Variants in LIPI observed in about 807,000 individuals in gnomAD.
LIPI encodes lipase I.
LIPI carries 59 observed loss-of-function variants against 50.6 expected under a neutral mutation model. That is an observed-to-expected ratio of 1.16 (90% CI 0.94 to 1.45). LIPI has a LOEUF of 1.45. LIPI is among the 40% of genes most tolerant of loss of function. The pLI is 0.00. For missense variants in LIPI, 586 were observed against 536.3 expected, an observed-to-expected ratio of 1.09 and a Z score of -0.92; for synonymous variants, 203 against 178.2, an observed-to-expected ratio of 1.14 and a Z score of -1.11.
intron 1 of LIPI, among the ~76,000 whole-genome samples, chr21:14,205,428 A>C (rs2020197573): frequency 6.6e-6 from 1 of 151,964 alleles, no homozygotes. Context: ...AACCATACAC[A>C]TGAACCATAT....
intron 7 of LIPI, among the ~76,000 whole-genome samples, chr21:14,158,405 A>G (rs2018346286): frequency 6.6e-6 from 1 of 151,610 alleles, no homozygotes; most frequent in Admixed American, 6.6e-5. Context: ...AAGATACAAC[A>G]TATCAAAACA....
chr21:14,139,047 G>A (rs1419055724), intron 9 of LIPI, among the ~76,000 whole-genome samples: 1 of 152,008 alleles, frequency 6.6e-6, no homozygotes, highest in African/African-American at 2.4e-5. Context: ...GGATACTCTG[G>A]CTCCAAAGCT....
chr21:14,175,914 C>T (rs1387567787), intron 4 of LIPI, among the ~76,000 whole-genome samples: 1 of 152,086 alleles, frequency 6.6e-6, no homozygotes, highest in African/African-American at 2.4e-5. Context: ...CGCGGTGGCT[C>T]AAGTCTGTAA....
chr21:14,149,566 G>A (rs1334737673), intron 8 of LIPI, among the ~76,000 whole-genome samples: 1 of 152,146 alleles, frequency 6.6e-6, no homozygotes, highest in Non-Finnish European at 1.5e-5. Context: ...TTTGAGACAA[G>A]GTTAGTCCCT....
At chr21:14,116,110 G>A (rs905580454) in intron 9 of LIPI, among the ~76,000 whole-genome samples, 2 of 152,104 alleles carry the variant, frequency 1.3e-5, no homozygotes, top group East Asian at 3.9e-4. Flanking sequence ...GTGTGTATGT[G>A]TGTGAATGTG....
At chr21:14,126,887 T>C (rs2017088532) in intron 9 of LIPI, among the ~76,000 whole-genome samples, 1 of 152,192 alleles carries the variant, frequency 6.6e-6, no homozygotes, top group South Asian at 2.1e-4. Context: ...TCAGGAAGTT[T>C]TTATGATTGA....
chr21:14,179,434 T>G (rs1459481689), intron 4 of LIPI, among the ~76,000 whole-genome samples: 2 of 152,126 alleles, frequency 1.3e-5, no homozygotes, highest in Non-Finnish European at 2.9e-5. Flanking sequence ...AGTGGCAGAT[T>G]AGATCTGATA....
chr21:14,207,566 T>A (rs530567420), intron 1 of LIPI, among the ~76,000 whole-genome samples: 1 of 152,252 alleles, frequency 6.6e-6, no homozygotes, highest in South Asian at 2.1e-4. Flanking sequence ...ATACCAGGAA[T>A]TCCCAAGAAT....
chr21:14,177,680 A>G (rs2019142524), intron 4 of LIPI, among the ~76,000 whole-genome samples: 1 of 152,138 alleles, frequency 6.6e-6, no homozygotes, highest in East Asian at 1.9e-4. Context: ...GGAACACAGA[A>G]AGCTGGAAAT....
chr21:14,202,442 G>A (rs2020088749), intron 1 of LIPI, among the ~76,000 whole-genome samples: 1 of 152,078 alleles, frequency 6.6e-6, no homozygotes, highest in African/African-American at 2.4e-5. Flanking sequence ...ATACTACAAG[G>A]CTACAGTATC....
intron 9 of LIPI, among the ~76,000 whole-genome samples, chr21:14,129,651 A>C (rs935582114): frequency 7.2e-5 from 11 of 152,032 alleles, no homozygotes; most frequent in Non-Finnish European, 1.3e-4. Context: ...GTTTGATGTC[A>C]TGGAAGAATG....
intron 9 of LIPI, among the ~76,000 whole-genome samples, chr21:14,129,813 A>ATTT (rs751973561): frequency 4.3e-4 from 55 of 126,924 alleles, no homozygotes; most frequent in South Asian, 9.8e-4. Flanking sequence ...TTTTTTTAAA[A>ATTT]AAAAAAAAAG....
intron 1 of LIPI, among the ~76,000 whole-genome samples, chr21:14,208,227 A>G (rs935443555): frequency 2.0e-5 from 3 of 152,126 alleles, no homozygotes; most frequent in Non-Finnish European, 2.9e-5. Context: ...GTAACTTCCT[A>G]TACCCTTATT....
At chr21:14,148,111 A>C (rs2017968236) in intron 8 of LIPI, among the ~76,000 whole-genome samples, 1 of 152,172 alleles carries the variant, frequency 6.6e-6, no homozygotes, top group African/African-American at 2.4e-5. Context: ...TATAAAAATC[A>C]GGATGCAGAA....
chr21:14,167,206 T>C (rs559714149), intron 4 of LIPI, among the ~76,000 whole-genome samples: 11 of 152,264 alleles, frequency 7.2e-5, no homozygotes, highest in South Asian at 2.1e-4. Context: ...ACAAAGCAGC[T>C]GGGAAGCTTG....
At chr21:14,113,162 C>T (rs1047666789) in intron 9 of LIPI, among the ~76,000 whole-genome samples, 3 of 152,102 alleles carry the variant, frequency 2.0e-5, no homozygotes, top group African/African-American at 7.2e-5. Context: ...ATAGAACATT[C>T]AATAAGATAA....
chr21:14,132,406 T>C (rs1056385327), intron 9 of LIPI, among the ~76,000 whole-genome samples: 2 of 152,188 alleles, frequency 1.3e-5, no homozygotes, highest in African/African-American at 4.8e-5. Context: ...TTGAATGACA[T>C]TTTCAAAGTG....
intron 9 of LIPI, among the ~76,000 whole-genome samples, chr21:14,143,093 C>T (rs2017772626): frequency 6.6e-6 from 1 of 152,068 alleles, no homozygotes; most frequent in Non-Finnish European, 1.5e-5. Context: ...ATGGAATCCC[C>T]AAATACAGTA....
intron 9 of LIPI, among the ~76,000 whole-genome samples, chr21:14,110,948 A>C (rs1218082800): frequency 6.7e-6 from 1 of 148,232 alleles, no homozygotes; most frequent in East Asian, 1.9e-4. Context: ...TACTATATAT[A>C]TATAATATAC....
Sources: allele counts gnomAD v4.1 joint callset (sites outside exome capture counted in the v4.1 genomes callset), GRCh38; gene constraint gnomAD v4.1.1; transcripts MANE v1.5; gene names NCBI Gene and HGNC (gene_info 2026-07-23, HGNC 2026-07-21).